DNM1: variants seen among roughly 807,000 people sequenced by gnomAD.
DNM1 encodes the protein dynamin-1.
A neutral mutation model predicts 104.6 loss-of-function variants in DNM1; 29 were observed. The ratio of observed to expected loss-of-function variants is 0.28; its 90% CI spans 0.21 to 0.38. The LOEUF is 0.38. DNM1 is among the 10% of genes least tolerant of loss of function. The pLI, the probability that DNM1 is intolerant of heterozygous loss-of-function variation, is 1.00. For missense variants in DNM1, 640 were observed against 1,189.4 expected, an observed-to-expected ratio of 0.54 and a Z score of 6.79; for synonymous variants, 445 against 475.8, an observed-to-expected ratio of 0.94 and a Z score of 0.84.
chr9:128,254,848 T>G lies in DNM1; in HGVS notation c.*134T>G. On this transcript the variant is annotated 3_prime_UTR_variant, in exon 22 of 22. Coordinates refer to ENST00000372923, the MANE Select transcript of DNM1 (RefSeq NM_004408.4). This position sits in a 1 kb window ranked among gnomAD's most constrained non-coding sequence, Gnocchi z 6.1. ...GACTTAATCTGTTGTAGTGGTGAGCTGATACATTCAGGTGTGACCGTTGGT... is the reference window on the plus strand; with the variant it reads ...GACTTAATCTGTTGTAGTGGTGAGCGGATACATTCAGGTGTGACCGTTGGT... 1 of 747,938 alleles carries G rather than the reference T, an allele frequency of 1.3e-6. No homozygotes were observed. The highest frequency in any genetic ancestry group is 2.5e-5 in the East Asian group (1 of 40,078). 46.3% of individuals were successfully genotyped at this position (747,938 alleles called of 1,614,324 possible).
At chr9:128,226,185 G>A (rs370225951) in intron 10 of DNM1, 173 of 1,612,460 alleles carry the variant, frequency 1.1e-4, no homozygotes, top group Non-Finnish European at 1.4e-4. Flanking sequence ...TATGACGGCC[G>A]CCTGGGCGGG....
In DNM1 at chr9:128,222,310, C is replaced by A. The variant is rs767861903; in HGVS notation, c.963C>A (p.Asp321Glu). The A allele has an allele frequency of 3.1e-6, 5 of 1,613,906 alleles. No individual in the cohort carries two copies. The highest frequency in any genetic ancestry group is 4.2e-6 in the Non-Finnish European group (5 of 1,179,850). The change falls in exon 7 of 22, where the codon GAC becomes GAA. Residue 321 changes from aspartate to glutamate, a missense_variant. Asp to Glu is a conservative substitution (Grantham distance 45, BLOSUM62 2). Around this residue, in one of 7 missense-constraint regions of DNM1, gnomAD observed 81 missense variants for 99.8 expected, o/e 0.81. Transcript: ENST00000372923. This position sits in a 1 kb window ranked among gnomAD's most constrained non-coding sequence, Gnocchi z 7.8. The stretch of plus-strand genomic sequence containing the variant: ...AATACAAGAACTTCCGCCCTGATGA[C>A]CCAGCTCGCAAGACCAAGGCCCTGC... ...VEEYKNFRPD[D>E]PARKTKALLQ...
chr9:128,241,971 A>G (rs1588431027), intron 14 of DNM1, among the ~76,000 whole-genome samples: 1 of 152,164 alleles, frequency 6.6e-6, no homozygotes, highest in South Asian at 2.1e-4. Flanking sequence ...CTCATCCCCT[A>G]CCCAGGCCTC....
rs755625989 is a variant in DNM1 at position 128,220,259 on chromosome 9, G to A, written c.767G>A (p.Arg256Gln). 5 of 1,614,212 alleles carry A rather than the reference G, an allele frequency of 3.1e-6. No individual in the cohort carries two copies. In the Admixed American group the frequency reaches 5.0e-5, roughly 16 times the overall value. ...KDITAALAAE[R>Q]KFFLSHPSYR... ...ATTACCGCCGCCTTGGCTGCTGAAC[G>A]AAAGTTCTTCCTCTCCCATCCATCT... The change falls in exon 6 of 22, where the codon CGA (arginine) becomes CAA (glutamine). Residue 256 changes from arginine to glutamine, a missense_variant. Physicochemically the swap from Arg to Gln is conservative, Grantham distance 43 (BLOSUM62 1). Around this residue, in one of 7 missense-constraint regions of DNM1, gnomAD observed 81 missense variants for 99.8 expected, o/e 0.81. Coordinates refer to ENST00000372923, the MANE Select transcript of DNM1 (RefSeq NM_004408.4). The surrounding 1 kb of genome is among the most constrained non-coding windows in gnomAD (Gnocchi z 5.2).
rs773421658 is a variant in DNM1, at chr9:128,242,240, C to T, written c.1566C>T (p.Arg522=). The T allele has an allele frequency of 1.2e-6, 2 of 1,604,156 alleles. No individual in the cohort carries two copies. Among genetic ancestry groups the T allele is most frequent in the Non-Finnish European group, 1.7e-6 (2 of 1,171,150 alleles). Residue 522 remains arginine, a synonymous_variant, in exon 15 of 22, where the codon CGC becomes CGT. Transcript: ENST00000372923. ...SGNQDEILVI[R]KGWLTINNIG... The stretch of plus-strand genomic sequence containing the variant: ...GCCCCATCACCCTCCAGGTCATCCG[C>T]AAGGGCTGGCTGACTATCAATAATA...
Position 128,239,531 on chromosome 9 carries a change from G to C in DNM1, c.1493+16G>C, listed in dbSNP as rs746358072. 1.8e-5 allele frequency: 29 copies of C among 1,608,210 alleles called. No individual in the cohort carries two copies. Among genetic ancestry groups the C allele is most frequent in the Non-Finnish European group, 2.1e-5 (25 of 1,175,978 alleles). ...GCTTTGCCAAGTGAGTGCTCCCCCAGGCAAAAAGTGAGTGCTCCCTGGGCA... is the reference window on the plus strand; with the variant it reads ...GCTTTGCCAAGTGAGTGCTCCCCCACGCAAAAAGTGAGTGCTCCCTGGGCA... On this transcript the variant is annotated intron_variant, in intron 12 of 21. Transcript: ENST00000372923.
At chr9:128,208,088 TCA>T (rs1834080044) in intron 1 of DNM1, among the ~76,000 whole-genome samples, 1 of 151,018 alleles carries the variant, frequency 6.6e-6, no homozygotes, top group Non-Finnish European at 1.5e-5. Context: ...AGATGGAGTC[TCA>T]CTCTGTCACC....
intron 1 of DNM1, among the ~76,000 whole-genome samples, chr9:128,210,401 A>G (rs7026024): frequency 2.4e-3 from 352 of 145,532 alleles, no homozygotes; most frequent in African/African-American, 8.7e-3. Context: ...TTGCTCGGTC[A>G]CCCAGGTTGG....
intron 15 of DNM1, chr9:128,244,884 T>C: frequency 6.4e-6 from 3 of 465,472 alleles, no homozygotes; most frequent in Middle Eastern, 3.4e-4. Context: ...CCCCATCCCC[T>C]GGAGATCCGA....
intron 1 of DNM1, among the ~76,000 whole-genome samples, chr9:128,215,805 C>T (rs904953886): frequency 6.6e-6 from 1 of 152,150 alleles, no homozygotes; most frequent in Non-Finnish European, 1.5e-5. Context: ...TCCTTTCCAG[C>T]CCCTCCTGCA....
At chr9:128,242,143 G>T in intron 14 of DNM1, 89 bp from the exon 15 acceptor site, 1 of 752,828 alleles carries the variant, frequency 1.3e-6, no homozygotes, top group South Asian at 1.5e-5. Flanking sequence ...GGAGAGGGGT[G>T]GGGTTTCGAA....
chr9:128,213,883 G>C (rs1365282528), intron 1 of DNM1, among the ~76,000 whole-genome samples: 1 of 152,150 alleles, frequency 6.6e-6, no homozygotes. Flanking sequence ...GCAGTGTTCA[G>C]ACCTCAGCTT....
chr9:128,242,795 AGG>A (rs1278264057), intron 15 of DNM1, among the ~76,000 whole-genome samples: 1 of 151,910 alleles, frequency 6.6e-6, no homozygotes, highest in Non-Finnish European at 1.5e-5. Context: ...TTGGGATGCA[AGG>A]GTCCAAGGCA....
At position 128,254,345 on chromosome 9, in the gene DNM1, G is replaced by C; in HGVS notation, c.2535-309G>C. ...GAAGAGGGAAGCCCGAGGGGGCCGAGCATCAGCCTGAATTGCGGGTGCCCT... is the reference window on the plus strand; with the variant it reads ...GAAGAGGGAAGCCCGAGGGGGCCGACCATCAGCCTGAATTGCGGGTGCCCT... On this transcript the variant is annotated intron_variant, in intron 21 of 21. Transcript: ENST00000372923. This position sits in a 1 kb window ranked among gnomAD's most constrained non-coding sequence, Gnocchi z 6.1. The C allele has an allele frequency of 7.1e-7, 1 of 1,406,306 alleles. No homozygotes were observed. The highest frequency in any genetic ancestry group is 9.2e-7 in the Non-Finnish European group (1 of 1,089,050). 87.1% of individuals were successfully genotyped at this position (1,406,306 alleles called of 1,614,324 possible). A position where few individuals can be genotyped will look rare whatever the true frequency, so the allele number is the denominator to read the frequency against.
intron 21 of DNM1, chr9:128,251,220 C>T (rs1829498384): frequency 1.6e-5 from 10 of 633,444 alleles, no homozygotes; most frequent in East Asian, 6.6e-5. Flanking sequence ...TGGCGCTTCC[C>T]TCTATTTTCA....
chr9:128,210,685 C>A (rs986000599), intron 1 of DNM1, among the ~76,000 whole-genome samples: 1 of 152,042 alleles, frequency 6.6e-6, no homozygotes, highest in East Asian at 1.9e-4. Flanking sequence ...ACACAGAGAG[C>A]GTAGGGAACC....
chr9:128,237,193 G>A (rs7022174), intron 11 of DNM1, among the ~76,000 whole-genome samples: 14 of 152,000 alleles, frequency 9.2e-5, no homozygotes, highest in African/African-American at 3.4e-4. Flanking sequence ...CATCACTACT[G>A]AATTCCAAAT....
chr9:128,233,710 G>A (rs1835835163), intron 10 of DNM1: 1 of 454,320 alleles, frequency 2.2e-6, no homozygotes, highest in Non-Finnish European at 4.0e-6. Context: ...CTGCGGGGCA[G>A]GCTCATTCCC....
At position 128,247,531 on chromosome 9, in the gene DNM1, G is replaced by C. The variant is rs760808974; in HGVS notation, c.1893+45G>C. On this transcript the variant is annotated intron_variant, in intron 17 of 21. Coordinates refer to ENST00000372923, the MANE Select transcript of DNM1 (RefSeq NM_004408.4). The surrounding 1 kb of genome is among the most constrained non-coding windows in gnomAD (Gnocchi z 5.1). ...GAGGAAGGGCAAGCATGATCCTAGG[G>C]CCCCTGGGGCACCATCCTCAGTGAT... is the stretch of plus-strand genomic sequence containing the variant. 7.0e-7 allele frequency: 1 copy of C among 1,437,476 alleles called. No homozygotes were observed. Among genetic ancestry groups the C allele is most frequent in the Admixed American group, 1.8e-5 (1 of 54,516 alleles). The allele number at this position is 1,437,476 out of a possible 1,614,324, so 89.0% of individuals were successfully genotyped here. A position where few individuals can be genotyped will look rare whatever the true frequency, so the allele number is the denominator to read the frequency against.
Sources: gnomAD v4.1 joint callset for allele counts (sites outside exome capture counted in the v4.1 genomes callset) on GRCh38, gnomAD v4.1.1 for gene constraint, gnomAD v4.1.1 regional missense constraint, Gnocchi (gnomAD v3.1) non-coding constraint, MANE v1.5 for transcripts, NCBI Gene and HGNC (gene_info 2026-07-23, HGNC 2026-07-21) for gene names.